DGKB: variants seen among roughly 807,000 people sequenced by gnomAD.
The protein encoded by DGKB is diacylglycerol kinase beta.
DGKB carries 67 observed loss-of-function variants against 114.3 expected under a neutral mutation model. The observed-to-expected ratio is 0.59, with a 90% CI of 0.48 to 0.72. DGKB has a LOEUF of 0.72. Among genes scored for constraint, DGKB ranks in the 30% least tolerant of loss-of-function variants. The probability of loss-of-function intolerance (pLI) is 0.00; values close to 1 mark genes in which losing one functional copy is unlikely to be tolerated. For missense variants in DGKB, 907 were observed against 975.2 expected (o/e 0.93, Z 0.93); for synonymous variants, 398 against 323.1 (o/e 1.23, Z -2.49).
intron 21 of DGKB, among the ~76,000 whole-genome samples, chr7:14,451,394 C>T (rs963461110): frequency 3.9e-5 from 6 of 152,096 alleles, no homozygotes; most frequent in East Asian, 1.9e-4. Flanking sequence ...CCACTAAAAC[C>T]GTTACCCTGT....
chr7:14,213,095 G>A (rs1584492038), intron 23 of DGKB, among the ~76,000 whole-genome samples: 1 of 151,676 alleles, frequency 6.6e-6, no homozygotes, highest in South Asian at 2.1e-4. Context: ...TATCAGTTTT[G>A]TATATCAATT....
intron 23 of DGKB, among the ~76,000 whole-genome samples, chr7:14,183,413 A>T (rs992298609): frequency 6.6e-6 from 1 of 152,240 alleles, no homozygotes; most frequent in East Asian, 1.9e-4. Context: ...ATTTATTAAT[A>T]TAAACTGTGT....
At chr7:14,519,241 GCAAT>G (rs995396518) in intron 20 of DGKB, among the ~76,000 whole-genome samples, 2 of 151,828 alleles carry the variant, frequency 1.3e-5, no homozygotes, top group African/African-American at 4.8e-5. Context: ...AAATCTGTTT[GCAAT>G]CAATCTCTCC....
At chr7:14,885,914 G>A (rs888431570) in intron 1 of DGKB, among the ~76,000 whole-genome samples, 4 of 151,492 alleles carry the variant, frequency 2.6e-5, no homozygotes, top group African/African-American at 9.7e-5. Context: ...CTTTTTGCTT[G>A]AATGCCAGGC....
At chr7:14,716,797 T>A (rs1025228777) in intron 6 of DGKB, among the ~76,000 whole-genome samples, 1 of 152,086 alleles carries the variant, frequency 6.6e-6, no homozygotes, top group African/African-American at 2.4e-5. Flanking sequence ...TTCTGATGTA[T>A]AGCCAGGGTA....
At chr7:14,885,009 G>T (rs531004768) in intron 1 of DGKB, among the ~76,000 whole-genome samples, 1 of 151,994 alleles carries the variant, frequency 6.6e-6, no homozygotes, top group East Asian at 1.9e-4. Context: ...TGACAGAAGG[G>T]CTTAGTTGAA....
rs917484677 is a variant in DGKB, at chr7:14,735,927, A to G, written c.322+114T>C. On this transcript the variant is annotated intron_variant, in intron 5 of 25. Coordinates refer to ENST00000402815, the MANE Select transcript of DGKB (RefSeq NM_001350709.2). ...ACACAATCTTATTGTAAAAGTCTAA[A>G]CCCTGTAACAAAACAATTTTTATGC... 6.9e-5 allele frequency: 42 copies of G among 610,326 alleles called. No individual in the cohort carries two copies. In the East Asian group the frequency reaches 1.2e-3, roughly 18 times the overall value. The allele number at this position is 610,326 out of a possible 1,614,324, so 37.8% of individuals were successfully genotyped here. A position where few individuals can be genotyped will look rare whatever the true frequency, so the allele number is the denominator to read the frequency against.
At chr7:14,188,563 G>C (rs1783811438) in intron 23 of DGKB, among the ~76,000 whole-genome samples, 1 of 142,926 alleles carries the variant, frequency 7.0e-6, no homozygotes, top group African/African-American at 2.6e-5. Flanking sequence ...GGGAGGCTGA[G>C]GCAGGAGAAT....
At chr7:14,476,964 C>T (rs957815798) in intron 21 of DGKB, among the ~76,000 whole-genome samples, 1 of 151,966 alleles carries the variant, frequency 6.6e-6, no homozygotes, top group Non-Finnish European at 1.5e-5. Flanking sequence ...GTTGGTCAGG[C>T]TGGTCTCGAA....
rs1485604159 is a variant in DGKB, at chr7:14,154,423, T to G, written c.2305-5185A>C. ...CTGCCTAGGCCCACCATTTCCTATC[T>G]AGGGACTTTGAGCAAGTTACTACGA... On this transcript the variant is annotated intron_variant, in intron 25 of 25. Transcript: ENST00000402815. Among the ~76,000 whole-genome samples, 3 of 152,086 alleles carry G rather than the reference T, an allele frequency of 2.0e-5. No individual in the cohort carries two copies. The East Asian group carries it at 5.8e-4, about 29-fold the overall frequency.
At chr7:14,571,517 A>G (rs2128703578) in intron 20 of DGKB, among the ~76,000 whole-genome samples, 1 of 152,348 alleles carries the variant, frequency 6.6e-6, no homozygotes, top group Middle Eastern at 3.4e-3. Flanking sequence ...AGATCTCGGA[A>G]TCAAACTTTC....
At chr7:14,181,245 C>A (rs1171304344) in intron 23 of DGKB, among the ~76,000 whole-genome samples, 11 of 152,048 alleles carry the variant, frequency 7.2e-5, no homozygotes, top group Non-Finnish European at 1.3e-4. Flanking sequence ...ACTATGTGGA[C>A]CTTTAGATAA....
At chr7:14,950,419 T>C (rs1344281142) in intron 1 of DGKB, among the ~76,000 whole-genome samples, 1 of 151,704 alleles carries the variant, frequency 6.6e-6, no homozygotes, top group African/African-American at 2.4e-5. Context: ...AGAGCAGAAA[T>C]TGATGAAATG....
At chr7:14,572,220 G>A (rs1237212497) in intron 20 of DGKB, among the ~76,000 whole-genome samples, 2 of 151,780 alleles carry the variant, frequency 1.3e-5, no homozygotes, top group Non-Finnish European at 2.9e-5. Context: ...TTGGGAGGCC[G>A]AGGTGGGCGG....
chr7:14,962,150 A>G (rs1786884234), intron 1 of DGKB, among the ~76,000 whole-genome samples: 1 of 152,138 alleles, frequency 6.6e-6, no homozygotes, highest in Non-Finnish European at 1.5e-5. Flanking sequence ...TTAATTCATT[A>G]TGTATGAAAT....
intron 21 of DGKB, among the ~76,000 whole-genome samples, chr7:14,418,406 T>C (rs1351965613): frequency 6.7e-6 from 1 of 148,374 alleles, no homozygotes; most frequent in East Asian, 2.0e-4. Context: ...CACACACATA[T>C]ATTCATGTGA....
intron 1 of DGKB, among the ~76,000 whole-genome samples, chr7:14,973,036 T>A (rs554951560): frequency 2.6e-5 from 4 of 152,142 alleles, no homozygotes; most frequent in Non-Finnish European, 4.4e-5. Context: ...TGATATACAA[T>A]ATGCTCTGCT....
intron 3 of DGKB, among the ~76,000 whole-genome samples, chr7:14,755,431 C>G (rs1445414540): frequency 6.6e-6 from 1 of 152,180 alleles, no homozygotes; most frequent in East Asian, 1.9e-4. Context: ...GTAAATGATA[C>G]AAGCTATGTT....
intron 1 of DGKB, among the ~76,000 whole-genome samples, chr7:14,910,302 GA>G (rs1783932059): frequency 8.9e-6 from 1 of 112,136 alleles, no homozygotes; most frequent in East Asian, 2.4e-4. Context: ...AAGAAAGAAA[GA>G]AAGAAAGAAA....
Sources: allele counts gnomAD v4.1 joint callset (sites outside exome capture counted in the v4.1 genomes callset), GRCh38; gene constraint gnomAD v4.1.1; transcripts MANE v1.5; gene names NCBI Gene and HGNC (gene_info 2026-07-23, HGNC 2026-07-21).